The following PTPRD variants were observed in gnomAD, a reference collection of about 807,000 sequenced individuals.
The protein encoded by PTPRD is protein tyrosine phosphatase receptor type D, also known as receptor-type tyrosine-protein phosphatase delta.
In PTPRD, 34 loss-of-function variants were observed where a neutral mutation model predicts 214.5. That is an observed-to-expected ratio of 0.16 (90% CI 0.12 to 0.21). PTPRD has a LOEUF of 0.21. Among genes scored for constraint, PTPRD ranks in the 10% least tolerant of loss-of-function variants. PTPRD has a pLI of 1.00. For synonymous variants in PTPRD, 1,128 were observed against 845.7 expected, an observed-to-expected ratio of 1.33 and a Z score of -5.79; for missense variants, 2,545 against 2,398.7, an observed-to-expected ratio of 1.06 and a Z score of -1.27.
At chr9:9,631,144 TGG>T (rs1219098296) in intron 7 of PTPRD, among the ~76,000 whole-genome samples, 2 of 151,304 alleles carry the variant, frequency 1.3e-5, no homozygotes, top group African/African-American at 2.4e-5. Context: ...CTTAGCTGTG[TGG>T]TCCTTAGACA....
intron 4 of PTPRD, among the ~76,000 whole-genome samples, chr9:9,965,942 C>T (rs1013312693): frequency 6.6e-6 from 1 of 152,154 alleles, no homozygotes; most frequent in Non-Finnish European, 1.5e-5. Context: ...CAGATAATTG[C>T]ATGTATGCAT....
chr9:10,411,231 A>T (rs2154507620), intron 2 of PTPRD, among the ~76,000 whole-genome samples: 1 of 151,850 alleles, frequency 6.6e-6, no homozygotes, highest in Non-Finnish European at 1.5e-5. Context: ...CCTCTAAATC[A>T]CCTAATGAGA....
chr9:9,024,373 A>G lies in PTPRD; in HGVS notation c.-142-5638T>C, dbSNP rs1194668022. 1.3e-4 allele frequency among the ~76,000 whole-genome samples: 17 copies of G among 127,620 alleles called. No individual in the cohort carries two copies. In the Admixed American group the frequency reaches 1.4e-3, roughly 10 times the overall value. The allele number at this position is 127,620 out of a possible 152,430, so 83.7% of individuals were successfully genotyped here. A position where few individuals can be genotyped will look rare whatever the true frequency, so the allele number is the denominator to read the frequency against. ...GTTTGTTTTTTTTTTTTTCCTGTAT[A>G]AACAGCCTTGTGATAAACATCCTTC... On this transcript the variant is annotated intron_variant, in intron 10 of 45. Coordinates refer to ENST00000381196, the MANE Select transcript of PTPRD (RefSeq NM_002839.4).
intron 3 of PTPRD, among the ~76,000 whole-genome samples, chr9:10,232,021 T>TG (rs2099613135): frequency 6.6e-6 from 1 of 150,858 alleles, no homozygotes; most frequent in Admixed American, 6.6e-5. Context: ...TGTGTGTGTG[T>TG]GTGTGTGAGG....
chr9:8,330,607 T>TATAACATGCCTGA (rs1170208853), intron 44 of PTPRD, among the ~76,000 whole-genome samples: 1 of 152,184 alleles, frequency 6.6e-6, no homozygotes, highest in Non-Finnish European at 1.5e-5. Flanking sequence ...GTTTGCTTCT[T>TATAACATGCCTGA]ATAACATGCC....
chr9:8,666,511 C>G (rs1220580252), intron 12 of PTPRD, among the ~76,000 whole-genome samples: 1 of 152,188 alleles, frequency 6.6e-6, no homozygotes, highest in Non-Finnish European at 1.5e-5. Flanking sequence ...ATAGGTGTCA[C>G]TGCCTCATAA....
rs542466295 is a variant in PTPRD at position 8,819,077 on chromosome 9, C to G, written c.-103-85131G>C. On this transcript the variant is annotated intron_variant, in intron 11 of 45. Transcript: ENST00000381196. ...AAATGATGGTTTAACAAGAGATCAA[C>G]TTTCAAAATTAAAAACATAAAAATG... Among the ~76,000 whole-genome samples the G allele has an allele frequency of 2.0e-5, 3 of 152,246 alleles. No homozygotes were observed. The East Asian group carries it at 5.8e-4, about 29-fold the overall frequency.
At chr9:8,404,887 G>T (rs1347011717) in intron 35 of PTPRD, among the ~76,000 whole-genome samples, 1 of 131,128 alleles carries the variant, frequency 7.6e-6, no homozygotes, top group Non-Finnish European at 1.8e-5. Context: ...AATGAAAAAA[G>T]AAATCAATAC....
intron 3 of PTPRD, among the ~76,000 whole-genome samples, chr9:10,192,621 G>A (rs1031060004): frequency 6.6e-6 from 1 of 152,070 alleles, no homozygotes; most frequent in African/African-American, 2.4e-5. Context: ...AATTGGGTAA[G>A]ATTTACATAG....
chr9:10,423,366 A>C (rs1587888577), intron 2 of PTPRD, among the ~76,000 whole-genome samples: 1 of 152,126 alleles, frequency 6.6e-6, no homozygotes, highest in East Asian at 1.9e-4. Context: ...ACGACAGGTT[A>C]ATGTGTGCAG....
At chr9:10,480,972 C>A (rs972688727) in intron 2 of PTPRD, among the ~76,000 whole-genome samples, 1 of 151,904 alleles carries the variant, frequency 6.6e-6, no homozygotes, top group African/African-American at 2.4e-5. Context: ...TTCATTTACT[C>A]CAGTGACTCA....
intron 11 of PTPRD, among the ~76,000 whole-genome samples, chr9:8,789,874 T>C (rs1335443991): frequency 6.6e-6 from 1 of 152,166 alleles, no homozygotes; most frequent in Non-Finnish European, 1.5e-5. Flanking sequence ...AGAGTGTATC[T>C]TTGAATCTGG....
chr9:8,842,302 A>G (rs1402592209), intron 11 of PTPRD, among the ~76,000 whole-genome samples: 2 of 149,504 alleles, frequency 1.3e-5, no homozygotes, highest in Non-Finnish European at 3.0e-5. Flanking sequence ...GTTTTCAGAT[A>G]AAAGGATTAT....
intron 8 of PTPRD, among the ~76,000 whole-genome samples, chr9:9,573,008 C>G (rs1026868707): frequency 1.3e-5 from 2 of 151,516 alleles, no homozygotes; most frequent in Non-Finnish European, 3.0e-5. Context: ...CCTATGTACA[C>G]AACAAAATAC....
chr9:10,062,559 T>A (rs1186735312), intron 3 of PTPRD, among the ~76,000 whole-genome samples: 1 of 152,012 alleles, frequency 6.6e-6, no homozygotes, highest in East Asian at 1.9e-4. Context: ...TTAGCCAAGA[T>A]CACTCCATCG....
At chr9:10,434,002 A>G (rs1566007759) in intron 2 of PTPRD, among the ~76,000 whole-genome samples, 1 of 151,924 alleles carries the variant, frequency 6.6e-6, no homozygotes, top group Non-Finnish European at 1.5e-5. Context: ...GATATTTCAG[A>G]TGAAAATTAT....
chr9:9,676,855 T>G (rs1249246479), intron 7 of PTPRD, among the ~76,000 whole-genome samples: 1 of 152,206 alleles, frequency 6.6e-6, no homozygotes, highest in Non-Finnish European at 1.5e-5. Context: ...GTGGTTTTGA[T>G]TTGCATTTCT....
rs1569429306 is a variant in PTPRD, at chr9:9,019,321, A to AAAGAAAGAAAGAAAGAAAGG, written c.-142-587_-142-586insCCTTTCTTTCTTTCTTTCTT. 7.9e-3 allele frequency among the ~76,000 whole-genome samples: 693 copies of AAAGAAAGAAAGAAAGAAAGG among 87,652 alleles called. 6 individuals are homozygous for AAAGAAAGAAAGAAAGAAAGG. The highest frequency in any genetic ancestry group is 0.013 in the Non-Finnish European group (536 of 41,462). 57.5% of individuals were successfully genotyped at this position (87,652 alleles called of 152,430 possible). On this transcript the variant is annotated intron_variant, in intron 10 of 45. Coordinates refer to ENST00000381196, the MANE Select transcript of PTPRD (RefSeq NM_002839.4). ...GAAAGAAAGAAAGAAAGAAAGAAAG[A>AAAGAAAGAAAGAAAGAAAGG]AAGAAAGAAAGAAAGAACGAAAGAA...
chr9:8,995,680 C>T (rs2154351141), intron 11 of PTPRD, among the ~76,000 whole-genome samples: 1 of 152,200 alleles, frequency 6.6e-6, no homozygotes, highest in African/African-American at 2.4e-5. Flanking sequence ...GTGCCACTGG[C>T]TTCTGCTTTC....
Sources: allele counts gnomAD v4.1 joint callset (sites outside exome capture counted in the v4.1 genomes callset), GRCh38; gene constraint gnomAD v4.1.1; transcripts MANE v1.5; gene names NCBI Gene and HGNC (gene_info 2026-07-23, HGNC 2026-07-21).